The following CRMP1 variants were observed in gnomAD, a reference collection of about 807,000 sequenced individuals.
The protein encoded by CRMP1 is collapsin response mediator protein 1, also known as dihydropyrimidinase-related protein 1.
CRMP1 carries 19 observed loss-of-function variants against 68.3 expected under a neutral mutation model. That is an observed-to-expected ratio of 0.28 (90% CI 0.19 to 0.41). The LOEUF (loss-of-function observed/expected upper bound fraction) is 0.41, where lower values mean the gene tolerates loss of function less well. Among genes scored for constraint, CRMP1 ranks in the 10% least tolerant of loss-of-function variants. The pLI, the probability that CRMP1 is intolerant of heterozygous loss-of-function variation, is 1.00. For missense variants in CRMP1, 791 were observed against 967.4 expected (o/e 0.82, Z 2.42); for synonymous variants, 439 against 399.6 (o/e 1.10, Z -1.18).
intron 6 of CRMP1, among the ~76,000 whole-genome samples, chr4:5,844,057 T>C (rs1048558280): frequency 1.7e-4 from 26 of 152,156 alleles, no homozygotes; most frequent in Non-Finnish European, 2.6e-4. Flanking sequence ...TTCTTAGACA[T>C]CACCCCGTCA....
rs1000912174 is a variant in CRMP1, at chr4:5,893,081, G to T, written c.-112C>A. 12 of 730,892 alleles carry T rather than the reference G, an allele frequency of 1.6e-5. No individual in the cohort carries two copies. The highest frequency in any genetic ancestry group is 1.2e-4 in the African/African-American group (6 of 51,896). The allele number at this position is 730,892 out of a possible 1,614,324, so 45.3% of individuals were successfully genotyped here. On this transcript the variant is annotated 5_prime_UTR_variant, in exon 1 of 14. Transcript: ENST00000324989. Reference sequence around the variant, plus strand: ...TGCGGGCCTGCGGCGGCCCGGGCGCGACTGCGGCCCAGGGAGGGGAGGGGC... The same window carrying T: ...TGCGGGCCTGCGGCGGCCCGGGCGCTACTGCGGCCCAGGGAGGGGAGGGGC...
chr4:5,821,886 C>T lies in CRMP1; in HGVS notation c.1970-35G>A. On this transcript the variant is annotated intron_variant, in intron 13 of 13. Transcript: ENST00000324989. This position sits in a 1 kb window ranked among gnomAD's most constrained non-coding sequence, Gnocchi z 4.4. Reference sequence around the variant, plus strand: ...AGCGCCAATCGCTGCTGGATGGGATCTGTTAGCATCAGTTCCACGCTGCTC... The same window carrying T: ...AGCGCCAATCGCTGCTGGATGGGATTTGTTAGCATCAGTTCCACGCTGCTC... The T allele has an allele frequency of 3.8e-6, 6 of 1,563,194 alleles. No homozygotes were observed. The highest frequency in any genetic ancestry group is 5.2e-6 in the Non-Finnish European group (6 of 1,152,806).
intron 13 of CRMP1, chr4:5,824,754 A>C: frequency 8.1e-6 from 8 of 985,236 alleles, no homozygotes; most frequent in Non-Finnish European, 9.6e-6. Flanking sequence ...CCATACTCTT[A>C]GTACCCAGCA....
chr4:5,868,705 T>G (rs971894187), intron 1 of CRMP1, among the ~76,000 whole-genome samples: 1 of 152,216 alleles, frequency 6.6e-6, no homozygotes, highest in Non-Finnish European at 1.5e-5. Flanking sequence ...GAAGTGATTT[T>G]CTGTTTTGTA....
chr4:5,821,515 G>A lies in CRMP1; in HGVS notation c.*245C>T, dbSNP rs1469241989. On this transcript the variant is annotated 3_prime_UTR_variant, in exon 14 of 14. Coordinates refer to ENST00000324989, the MANE Select transcript of CRMP1 (RefSeq NM_001014809.3). This position sits in a 1 kb window ranked among gnomAD's most constrained non-coding sequence, Gnocchi z 4.4. ...TAAAACCTGTGGTTCACTAGGAAGG[G>A]GGAATGAAAACACCATGCTCCGAGG... 17 of 533,304 alleles carry A rather than the reference G, an allele frequency of 3.2e-5. No homozygotes were observed. Among genetic ancestry groups the A allele is most frequent in the Non-Finnish European group, 5.1e-5 (15 of 296,930 alleles). 33.0% of individuals were successfully genotyped at this position (533,304 alleles called of 1,614,324 possible).
chr4:5,825,669 G>C lies in CRMP1; in HGVS notation c.1804-10C>G, dbSNP rs1719441897. The C allele has an allele frequency of 6.2e-7, 1 of 1,612,180 alleles. No homozygotes were observed. The highest frequency in any genetic ancestry group is 1.3e-5 in the African/African-American group (1 of 74,826). ...CTTGCAATCCAAAAACCTAAACAGA[G>C]GAAGGGAGAGTGTGATTGATCGACA... is the stretch of plus-strand genomic sequence containing the variant. On this transcript the variant is annotated splice_polypyrimidine_tract_variant and intron_variant, in intron 12 of 13. Coordinates refer to ENST00000324989, the MANE Select transcript of CRMP1 (RefSeq NM_001014809.3). The surrounding 1 kb of genome is among the most constrained non-coding windows in gnomAD (Gnocchi z 4.4).
intron 9 of CRMP1, among the ~76,000 whole-genome samples, chr4:5,837,127 G>A (rs949959919): frequency 1.3e-5 from 2 of 152,224 alleles, no homozygotes; most frequent in Non-Finnish European, 2.9e-5. Context: ...AGTGAGTAAT[G>A]TGTGCTGACA....
chr4:5,828,666 C>T lies in CRMP1; in HGVS notation c.1626G>A (p.Ala542=), dbSNP rs61746000. 0.033 allele frequency: 53,409 copies of T among 1,613,228 alleles called. 2,744 individuals are homozygous for T. The highest frequency in any genetic ancestry group is 0.24 in the African/African-American group (18,230 of 75,008). The change falls in exon 12 of 14, where the codon GCG becomes GCA. Residue 542 remains alanine, a splice_region_variant and synonymous_variant. Transcript: ENST00000324989. ...KTITAKSHKS[A]VEYNIFEGME... is the part of the protein sequence containing the mutation. Reference sequence around the variant, plus strand: ...TACCCTCGAAGATGTTGTACTCCACCGCCTGCACCAACAGCCTCAGTGTTA... The same window carrying T: ...TACCCTCGAAGATGTTGTACTCCACTGCCTGCACCAACAGCCTCAGTGTTA...
Position 5,888,393 on chromosome 4 carries a change from G to C in CRMP1, c.381+4196C>G. The C allele has an allele frequency of 1.6e-6, 2 of 1,221,834 alleles. No individual in the cohort carries two copies. Among genetic ancestry groups the C allele is most frequent in the Non-Finnish European group, 1.0e-6 (1 of 980,724 alleles). The allele number at this position is 1,221,834 out of a possible 1,614,324, so 75.7% of individuals were successfully genotyped here. ...CGGGAGGGATAGAGACACGGACGGA[G>C]GCTCGGCGCCCGTGGATGCCCACGC... On this transcript the variant is annotated intron_variant, in intron 1 of 13. Coordinates refer to ENST00000324989, the MANE Select transcript of CRMP1 (RefSeq NM_001014809.3). This position sits in a 1 kb window ranked among gnomAD's most constrained non-coding sequence, Gnocchi z 6.4.
rs1215198758 is a variant in CRMP1 at position 5,825,003 on chromosome 4, T to G, written c.1969+491A>C. On this transcript the variant is annotated intron_variant, in intron 13 of 13. Transcript: ENST00000324989. The surrounding 1 kb of genome is among the most constrained non-coding windows in gnomAD (Gnocchi z 4.4). ...ATTTCTTGGGGCTTCCGTTTCCTCT[T>G]TAAATAAATAGGGTATAATGTTACT... 3 of 985,264 alleles carry G rather than the reference T, an allele frequency of 3.0e-6. No homozygotes were observed. Among genetic ancestry groups the G allele is most frequent in the Non-Finnish European group, 3.6e-6 (3 of 829,912 alleles). 61.0% of individuals were successfully genotyped at this position (985,264 alleles called of 1,614,324 possible).
chr4:5,887,058 C>T (rs1016549901), intron 1 of CRMP1, among the ~76,000 whole-genome samples: 1 of 152,144 alleles, frequency 6.6e-6, no homozygotes, highest in Non-Finnish European at 1.5e-5. Flanking sequence ...GGCCTGGGTT[C>T]CCTCCTGACC....
Position 5,821,833 on chromosome 4 carries a change from T to G in CRMP1, c.1988A>C (p.Asn663Thr). The change falls in exon 14 of 14, where the codon AAC becomes ACC. Residue 663 changes from asparagine (N) to threonine (T), a missense_variant. By Grantham distance (65) the Asn-to-Thr change is moderately conservative. Transcript: ENST00000324989. This position sits in a 1 kb window ranked among gnomAD's most constrained non-coding sequence, Gnocchi z 4.4. ...FSLSGAQIDD[N>T]NPRRTGHRIV... ...GCGGTGGCCGGTGCGCCTGGGATTG[T>G]TGTCATCTATCTGGGCACCTGAAAG... 6.3e-7 allele frequency: 1 copy of G among 1,594,178 alleles called. No individual in the cohort carries two copies.
chr4:5,880,661 C>T (rs1715165553), intron 1 of CRMP1, among the ~76,000 whole-genome samples: 1 of 152,232 alleles, frequency 6.6e-6, no homozygotes, highest in Admixed American at 6.5e-5. Context: ...ACCAGATCTG[C>T]CCTCTCCCCA....
Position 5,849,393 on chromosome 4 carries a change from T to C in CRMP1, c.962A>G (p.Gln321Arg), listed in dbSNP as rs1189462087. 6.2e-7 allele frequency: 1 copy of C among 1,613,078 alleles called. No individual in the cohort carries two copies. Among genetic ancestry groups the C allele is most frequent in the African/African-American group, 1.3e-5 (1 of 74,982 alleles). Residue 321 changes from glutamine to arginine, a missense_variant and splice_region_variant, in exon 6 of 14, where the codon CAG becomes CGG. Coordinates refer to ENST00000324989, the MANE Select transcript of CRMP1 (RefSeq NM_001014809.3). The part of the protein sequence containing the change: ...VHAENGDLIA[Q>R]EQKRILEMGI... ...GGAGTGGAAATTCTTGCCACTCACC[T>C]GAGCTATCAAATCTCCATTTTCTGC... is the stretch of plus-strand genomic sequence containing the variant.
intron 10 of CRMP1, among the ~76,000 whole-genome samples, 180 bp downstream of exon 10, chr4:5,836,584 TC>T (rs1184970908): frequency 6.6e-6 from 1 of 152,230 alleles, no homozygotes. Context: ...TGCAGAGGCC[TC>T]TCCCGGACTT....
At chr4:5,849,500 T>C in intron 5 of CRMP1, 28 bp from the exon 6 acceptor site, 3 of 1,523,248 alleles carry the variant, frequency 2.0e-6, no homozygotes, top group Non-Finnish European at 2.7e-6. Flanking sequence ...GGGGTTGGTG[T>C]GAGATTTAAA....
At chr4:5,878,658 C>T (rs1158932403) in intron 1 of CRMP1, among the ~76,000 whole-genome samples, 1 of 152,148 alleles carries the variant, frequency 6.6e-6, no homozygotes, top group Admixed American at 6.5e-5. Context: ...GGGCAGACTA[C>T]CTAGGCTCTA....
rs1043458732 is a variant in CRMP1, at chr4:5,887,550, G to A, written c.381+5039C>T. The A allele has an allele frequency of 1.2e-5, 12 of 985,104 alleles. No individual in the cohort carries two copies. The African/African-American group carries it at 1.7e-4, about 14-fold the overall frequency. 61.0% of individuals were successfully genotyped at this position (985,104 alleles called of 1,614,324 possible). On this transcript the variant is annotated intron_variant, in intron 1 of 13. Coordinates refer to ENST00000324989, the MANE Select transcript of CRMP1 (RefSeq NM_001014809.3). ...TTCCTTTGTTTCCGGCCACACCCAG[G>A]GACGCAGCCCGGCTGTTCTGCCTCC... is the stretch of plus-strand genomic sequence containing the variant.
intron 1 of CRMP1, among the ~76,000 whole-genome samples, chr4:5,868,280 T>TAG: frequency 1.2e-5 from 1 of 86,334 alleles, no homozygotes. Context: ...TATATATATA[T>TAG]ATATATATAT....
Sources: allele counts gnomAD v4.1 joint callset (sites outside exome capture counted in the v4.1 genomes callset), GRCh38; gene constraint gnomAD v4.1.1; non-coding constraint Gnocchi (gnomAD v3.1); transcripts MANE v1.5; gene names NCBI Gene and HGNC (gene_info 2026-07-23, HGNC 2026-07-21).